LRRC51: variants seen among roughly 807,000 people sequenced by gnomAD.
The protein encoded by LRRC51 is leucine rich repeat containing 51.
A neutral mutation model predicts 17.8 loss-of-function variants in LRRC51; 8 were observed. The ratio of observed to expected loss-of-function variants is 0.45; its 90% CI spans 0.26 to 0.81. LRRC51 has a LOEUF of 0.81. LRRC51 is among the 30% of genes least tolerant of loss of function. LRRC51 has a pLI of 0.17. For synonymous variants in LRRC51, 92 were observed against 96.0 expected (o/e 0.96, Z 0.24); for missense variants, 233 against 239.3 (o/e 0.97, Z 0.17).
rs746284997 is a variant in LRRC51 at position 72,095,514 on chromosome 11, A to G, written c.573A>G (p.Thr191=). The change falls in exon 6 of 6, where the codon ACA becomes ACG. Residue 191 remains threonine (T), a synonymous_variant. Coordinates refer to ENST00000289488, the MANE Select transcript of LRRC51 (RefSeq NM_145309.6). ...AGAAGGCCTGGACCAAGCAGAATAC[A>G]CTTTGAGGCTCCCACGACCCTAGTA... is the stretch of plus-strand genomic sequence containing the variant. The part of the protein sequence containing the change: ...KPKKAWTKQN[T]L 2 of 1,613,610 alleles carry G rather than the reference A, an allele frequency of 1.2e-6. No individual in the cohort carries two copies. Among genetic ancestry groups the G allele is most frequent in the East Asian group, 2.2e-5 (1 of 44,868 alleles).
At chr11:72,086,449 G>A (rs1944537381) in intron 1 of LRRC51, 1 of 702,180 alleles carries the variant, frequency 1.4e-6, no homozygotes, top group African/African-American at 1.7e-5. Flanking sequence ...CTGAACCTGG[G>A]AACCAATTGT....
rs1415852482 is a variant in LRRC51 at position 72,089,030 on chromosome 11, C to A, written c.-54C>A. 1.9e-6 allele frequency: 3 copies of A among 1,611,692 alleles called. No homozygotes were observed. Among genetic ancestry groups the A allele is most frequent in the Non-Finnish European group, 2.5e-6 (3 of 1,179,708 alleles). On this transcript the variant is annotated splice_region_variant and 5_prime_UTR_variant, in exon 3 of 6. In the 5' UTR this introduces an upstream ATG that the reference lacks. Coordinates refer to ENST00000289488, the MANE Select transcript of LRRC51 (RefSeq NM_145309.6). ...ACTGGTCTTTCTCTGTCCTCCCAGG[C>A]TGAACCCAGACTCCCAGGGCACCTG... is the stretch of plus-strand genomic sequence containing the variant.
rs1945172904 is a variant in LRRC51 at position 72,095,810 on chromosome 11, TTAAA to T, written c.*291_*294del. Reference sequence around the variant, plus strand: ...GCCTCAGCCTCCCCAGTAGCTGTGATTAAAGGCGCCTGCCACCATGACTGGCTAA... The same window carrying T: ...GCCTCAGCCTCCCCAGTAGCTGTGATGGCGCCTGCCACCATGACTGGCTAA... On this transcript the variant is annotated 3_prime_UTR_variant, in exon 6 of 6. Transcript: ENST00000289488. 1 of 524,662 alleles carries T rather than the reference TTAAA, an allele frequency of 1.9e-6. No homozygotes were observed. Among genetic ancestry groups the T allele is most frequent in the Admixed American group, 3.6e-5 (1 of 27,402 alleles). 32.5% of individuals were successfully genotyped at this position (524,662 alleles called of 1,614,324 possible). A position where few individuals can be genotyped will look rare whatever the true frequency, so the allele number is the denominator to read the frequency against.
intron 3 of LRRC51, chr11:72,089,678 GC>G: frequency 1.0e-6 from 1 of 956,802 alleles, no homozygotes; most frequent in Non-Finnish European, 1.3e-6. Flanking sequence ...CTACAAACTG[GC>G]ATATTTCCAG....
intron 1 of LRRC51, 101 bp downstream of exon 1, chr11:72,080,986 G>A (rs1944137593): frequency 6.6e-6 from 1 of 152,656 alleles, no homozygotes; most frequent in Admixed American, 6.5e-5. Flanking sequence ...CCTGCTCGGG[G>A]ATCTGAGATT....
In LRRC51 at chr11:72,090,317, ACT is replaced by A. The variant is rs1454375092; in HGVS notation, c.82+1155_82+1156del. 3.3e-5 allele frequency among the ~76,000 whole-genome samples: 5 copies of A among 152,210 alleles called. No individual in the cohort carries two copies. The South Asian group carries it at 1.0e-3, about 32-fold the overall frequency. ...CTCCTACCTATCATGGGAATTTCTA[ACT>A]CTGATGGAGGAGGTGTAGCTCTGCC... On this transcript the variant is annotated intron_variant, in intron 3 of 5. Coordinates refer to ENST00000289488, the MANE Select transcript of LRRC51 (RefSeq NM_145309.6).
Position 72,093,596 on chromosome 11 carries a change from C to G in LRRC51, c.183C>G (p.Leu61=). The change falls in exon 4 of 6, where the codon CTC becomes CTG. Residue 61 remains leucine (L), a synonymous_variant. Transcript: ENST00000289488. ...CCCTGTGGCTGAATAACAATGTTCT[C>G]AATGATCTGAGAGACTTCAACCAGG... The part of the protein sequence containing the change: ...TQSLWLNNNV[L]NDLRDFNQVA... 1 of 1,614,224 alleles carries G rather than the reference C, an allele frequency of 6.2e-7. No homozygotes were observed. Among genetic ancestry groups the G allele is most frequent in the Non-Finnish European group, 8.5e-7 (1 of 1,180,044 alleles).
intron 1 of LRRC51, among the ~76,000 whole-genome samples, chr11:72,083,067 G>A (rs1944335332): frequency 6.6e-6 from 1 of 152,176 alleles, no homozygotes; most frequent in Non-Finnish European, 1.5e-5. Context: ...GTTTCTCCAT[G>A]TTGGTCAGGC....
Position 72,095,551 on chromosome 11 carries a change from C to T in LRRC51, c.*31C>T, listed in dbSNP as rs1395377210. The T allele has an allele frequency of 6.2e-7, 1 of 1,609,504 alleles. No individual in the cohort carries two copies. Among genetic ancestry groups the T allele is most frequent in the Admixed American group, 1.7e-5 (1 of 59,200 alleles). On this transcript the variant is annotated 3_prime_UTR_variant, in exon 6 of 6. Coordinates refer to ENST00000289488, the MANE Select transcript of LRRC51 (RefSeq NM_145309.6). ...CCACGACCCTAGTAGTCCTAAAGGC[C>T]TAAGCATAGACAGCATGGTTTGACA... is the stretch of plus-strand genomic sequence containing the variant.
In LRRC51 at chr11:72,096,756, T is replaced by C; in HGVS notation, c.*1236T>C. On this transcript the variant is annotated 3_prime_UTR_variant, in exon 6 of 6. Coordinates refer to ENST00000289488, the MANE Select transcript of LRRC51 (RefSeq NM_145309.6). ...GGTCTGTAGAGATGCCTCACAGGCC[T>C]CCATGACAGGCCAAGAAGATGGCCT... 6.7e-7 allele frequency: 1 copy of C among 1,496,796 alleles called. No individual in the cohort carries two copies. The allele number at this position is 1,496,796 out of a possible 1,614,324, so 92.7% of individuals were successfully genotyped here.
chr11:72,091,666 G>A (rs139482810), intron 3 of LRRC51, among the ~76,000 whole-genome samples: 307 of 152,280 alleles, frequency 2.0e-3, no homozygotes, highest in African/African-American at 7.3e-3. Flanking sequence ...CATACACCGG[G>A]GTTCTAACAT....
intron 1 of LRRC51, among the ~76,000 whole-genome samples, chr11:72,084,422 A>G (rs191776241): frequency 6.6e-6 from 1 of 152,364 alleles, no homozygotes; most frequent in Non-Finnish European, 1.5e-5. Context: ...AAATTAAGTG[A>G]ATAACATTAA....
Position 72,088,317 on chromosome 11 carries a change from G to A in LRRC51, c.-119G>A, listed in dbSNP as rs779471024. On this transcript the variant is annotated 5_prime_UTR_variant, in exon 2 of 6. Transcript: ENST00000289488. Reference sequence around the variant, plus strand: ...GTCAGGGAGTATTTCCATTTTAACCGGAAACAATCCCTGAACCCACAGGAA... The same window carrying A: ...GTCAGGGAGTATTTCCATTTTAACCAGAAACAATCCCTGAACCCACAGGAA... The A allele has an allele frequency of 1.1e-4, 80 of 701,336 alleles. No homozygotes were observed. Among genetic ancestry groups the A allele is most frequent in the Admixed American group, 1.8e-4 (9 of 49,870 alleles). The allele number at this position is 701,336 out of a possible 1,614,324, so 43.4% of individuals were successfully genotyped here.
intron 1 of LRRC51, 97 bp from the exon 2 acceptor site, chr11:72,088,200 C>T: frequency 1.7e-6 from 1 of 593,284 alleles, no homozygotes; most frequent in Non-Finnish European, 3.0e-6. Flanking sequence ...AGAAAAACCT[C>T]AGCTTTACTT....
rs910348510 is a variant in LRRC51 at position 72,094,531 on chromosome 11, G to A, written c.289-417G>A. 8.4e-6 allele frequency: 5 copies of A among 598,588 alleles called. No homozygotes were observed. The African/African-American group carries it at 9.3e-5, about 11-fold the overall frequency. The allele number at this position is 598,588 out of a possible 1,614,324, so 37.1% of individuals were successfully genotyped here. On this transcript the variant is annotated intron_variant, in intron 4 of 5. Transcript: ENST00000289488. ...GGGGAAAGGAGCTGGAGCATGACTT[G>A]GACACTATTCCCCTGGTGTGGTGAT...
rs746882142 is a variant in LRRC51 at position 72,095,103 on chromosome 11, G to A, written c.437+7G>A. The stretch of plus-strand genomic sequence containing the variant: ...AGGAAGAGAAAGGGTATAGGTAAGT[G>A]CCCTGCCCCTGGAGGTAGCGTCTAG... On this transcript the variant is annotated splice_region_variant and intron_variant, in intron 5 of 5. Transcript: ENST00000289488. 5 of 1,613,348 alleles carry A rather than the reference G, an allele frequency of 3.1e-6. No homozygotes were observed. The highest frequency in any genetic ancestry group is 1.3e-5 in the African/African-American group (1 of 74,950).
intron 3 of LRRC51, among the ~76,000 whole-genome samples, chr11:72,091,902 C>A (rs1406367124): frequency 6.6e-6 from 1 of 152,196 alleles, no homozygotes; most frequent in South Asian, 2.1e-4. Flanking sequence ...AACTCACTCA[C>A]TTCAATCTGG....
chr11:72,086,352 G>A (rs1177750127), intron 1 of LRRC51: 1 of 698,332 alleles, frequency 1.4e-6, no homozygotes. Flanking sequence ...CATTTCTTCT[G>A]GTCAGGCACA....
Position 72,096,388 on chromosome 11 carries a change from C to A in LRRC51, c.*868C>A. The A allele has an allele frequency of 3.0e-6, 1 of 333,782 alleles. No homozygotes were observed. Among genetic ancestry groups the A allele is most frequent in the Non-Finnish European group, 4.4e-6 (1 of 227,668 alleles). 20.7% of individuals were successfully genotyped at this position (333,782 alleles called of 1,614,324 possible). A position where few individuals can be genotyped will look rare whatever the true frequency, so the allele number is the denominator to read the frequency against. ...AAAGTGCTGGGATTAGAAGCGTGAG[C>A]CACCACGCCCAGCCTTTTTTTGTAT... On this transcript the variant is annotated 3_prime_UTR_variant, in exon 6 of 6. Transcript: ENST00000289488.
Sources: allele counts gnomAD v4.1 joint callset (sites outside exome capture counted in the v4.1 genomes callset), GRCh38; gene constraint gnomAD v4.1.1; transcripts MANE v1.5; gene names NCBI Gene and HGNC (gene_info 2026-07-23, HGNC 2026-07-21).